The following FNIP1 variants were observed in gnomAD, a reference collection of about 807,000 sequenced individuals.
FNIP1 encodes folliculin-interacting protein 1.
A neutral mutation model predicts 124.5 loss-of-function variants in FNIP1; 40 were observed. The observed-to-expected ratio is 0.32, with a 90% CI of 0.25 to 0.42. The LOEUF is 0.42. Among genes scored for constraint, FNIP1 ranks in the 10% least tolerant of loss-of-function variants. The probability of loss-of-function intolerance (pLI) is 1.00; values close to 1 mark genes in which losing one functional copy is unlikely to be tolerated. For missense variants in FNIP1, 1,176 were observed against 1,403.7 expected, an observed-to-expected ratio of 0.84 and a Z score of 2.59; for synonymous variants, 472 against 470.6, an observed-to-expected ratio of 1.00 and a Z score of -0.04.
chr5:131,699,456 C>T (rs921815461), intron 10 of FNIP1, among the ~76,000 whole-genome samples: 31 of 149,308 alleles, frequency 2.1e-4, no homozygotes, highest in Non-Finnish European at 3.5e-4. Flanking sequence ...TGCAATGGCG[C>T]GATCTCGGCT....
intron 1 of FNIP1, among the ~76,000 whole-genome samples, chr5:131,746,302 T>C (rs1338620749): frequency 2.0e-5 from 3 of 152,162 alleles, no homozygotes; most frequent in East Asian, 1.9e-4. Flanking sequence ...ATTCAGGGGG[T>C]ACATGTGGTG....
intron 16 of FNIP1, among the ~76,000 whole-genome samples, chr5:131,650,082 G>T (rs1365170005): frequency 6.6e-6 from 1 of 152,112 alleles, no homozygotes; most frequent in Non-Finnish European, 1.5e-5. Flanking sequence ...TGTTTTTCAA[G>T]ATTGTTTTAT....
intron 11 of FNIP1, among the ~76,000 whole-genome samples, chr5:131,688,855 T>C (rs1255283582): frequency 6.6e-6 from 1 of 151,628 alleles, no homozygotes; most frequent in Non-Finnish European, 1.5e-5. Flanking sequence ...TAAAAAATAA[T>C]ATCCAGGAGC....
chr5:131,666,389 G>A (rs953477949), intron 15 of FNIP1, among the ~76,000 whole-genome samples: 31 of 152,058 alleles, frequency 2.0e-4, no homozygotes, highest in Non-Finnish European at 3.5e-4. Context: ...AAACAGAGGG[G>A]GAAAGACAAA....
At chr5:131,659,133 A>C (rs1767312800) in intron 15 of FNIP1, among the ~76,000 whole-genome samples, 1 of 152,160 alleles carries the variant, frequency 6.6e-6, no homozygotes, top group Non-Finnish European at 1.5e-5. Flanking sequence ...GTGGACAGCA[A>C]GGCCAGGATG....
chr5:131,714,227 C>A (rs1466528360), intron 6 of FNIP1, among the ~76,000 whole-genome samples: 2 of 152,186 alleles, frequency 1.3e-5, no homozygotes, highest in Non-Finnish European at 2.9e-5. Flanking sequence ...GCCTTGCTAA[C>A]CCTCCCTTGA....
chr5:131,739,990 C>T (rs1223917445), intron 2 of FNIP1, among the ~76,000 whole-genome samples: 2 of 151,974 alleles, frequency 1.3e-5, no homozygotes, highest in South Asian at 2.1e-4. Flanking sequence ...CAGACACTAC[C>T]CCCACCCCAA....
chr5:131,774,239 G>T (rs1333512505), intron 1 of FNIP1, among the ~76,000 whole-genome samples: 1 of 152,124 alleles, frequency 6.6e-6, no homozygotes, highest in Non-Finnish European at 1.5e-5. Flanking sequence ...TGTTGCCTAG[G>T]CTGGTCTTGA....
At chr5:131,744,952 G>C (rs897597306) in intron 1 of FNIP1, among the ~76,000 whole-genome samples, 5 of 151,370 alleles carry the variant, frequency 3.3e-5, no homozygotes, top group African/African-American at 4.9e-5. Context: ...CGTGATTTTT[G>C]AAAGCATTAA....
chr5:131,689,809 T>C (rs1484385373), intron 11 of FNIP1, among the ~76,000 whole-genome samples: 1 of 152,226 alleles, frequency 6.6e-6, no homozygotes. Flanking sequence ...AATCCAACTA[T>C]ATCAATTATC....
intron 1 of FNIP1, among the ~76,000 whole-genome samples, chr5:131,763,288 TACACACACACACAC>T (rs34544569): frequency 0.63 from 93,825 of 148,392 alleles, 31,296 homozygotes; most frequent in Non-Finnish European, 0.76. Context: ...CAAATGCAAA[TACACACACACACAC>T]ACACACACAC....
chr5:131,758,178 G>A (rs1054300905), intron 1 of FNIP1, among the ~76,000 whole-genome samples: 2 of 152,054 alleles, frequency 1.3e-5, no homozygotes, highest in African/African-American at 2.4e-5. Flanking sequence ...TCTTTTAATA[G>A]GCAAATAAGT....
chr5:131,676,100 C>A (rs1226240727), intron 13 of FNIP1, among the ~76,000 whole-genome samples: 1 of 151,556 alleles, frequency 6.6e-6, no homozygotes, highest in Non-Finnish European at 1.5e-5. Flanking sequence ...CGGCTCACTG[C>A]AAGCTCCGCC....
intron 2 of FNIP1, among the ~76,000 whole-genome samples, chr5:131,739,710 G>A (rs1770444499): frequency 1.3e-5 from 2 of 151,672 alleles, no homozygotes; most frequent in South Asian, 4.2e-4. Flanking sequence ...CTACTCGGGA[G>A]GCTGAGGCAG....
At chr5:131,759,805 CTATT>C (rs1425388914) in intron 1 of FNIP1, among the ~76,000 whole-genome samples, 8 of 152,110 alleles carry the variant, frequency 5.3e-5, no homozygotes, top group African/African-American at 1.4e-4. Flanking sequence ...CATCACCATA[CTATT>C]TATGATAACA....
intron 13 of FNIP1, among the ~76,000 whole-genome samples, chr5:131,674,525 G>A (rs1219159127): frequency 6.6e-6 from 1 of 151,634 alleles, no homozygotes; most frequent in Non-Finnish European, 1.5e-5. Flanking sequence ...GACCAGCCTG[G>A]GCAACATGGC....
At chr5:131,647,942 A>G (rs1274406850) in intron 16 of FNIP1, among the ~76,000 whole-genome samples, 1 of 152,032 alleles carries the variant, frequency 6.6e-6, no homozygotes, top group Admixed American at 6.5e-5. Flanking sequence ...TTTACATAGG[A>G]AAGGATGTAT....
At position 131,644,776 on chromosome 5, in the gene FNIP1, G is replaced by A; in HGVS notation, c.3423-13C>T. Reference sequence around the variant, plus strand: ...ACTGGATTCAATCCTGAAATAAAGGGGAAAAAAATGTCAGTTTTGATTTTC... The same window carrying A: ...ACTGGATTCAATCCTGAAATAAAGGAGAAAAAAATGTCAGTTTTGATTTTC... On this transcript the variant is annotated splice_polypyrimidine_tract_variant and intron_variant, in intron 17 of 17. Transcript: ENST00000510461. 1 of 1,612,388 alleles carries A rather than the reference G, an allele frequency of 6.2e-7. No individual in the cohort carries two copies. Among genetic ancestry groups the A allele is most frequent in the Non-Finnish European group, 8.5e-7 (1 of 1,179,056 alleles).
intron 13 of FNIP1, among the ~76,000 whole-genome samples, chr5:131,677,026 A>G (rs1767931862): frequency 6.6e-6 from 1 of 152,212 alleles, no homozygotes; most frequent in South Asian, 2.1e-4. Flanking sequence ...ATTAGCAGCT[A>G]CGTTTACGAG....
Sources: allele counts gnomAD v4.1 joint callset (sites outside exome capture counted in the v4.1 genomes callset), GRCh38; gene constraint gnomAD v4.1.1; transcripts MANE v1.5; gene names NCBI Gene and HGNC (gene_info 2026-07-23, HGNC 2026-07-21).